The following NRG3 variants were observed in gnomAD, a reference collection of about 807,000 sequenced individuals.
NRG3 encodes the protein neuregulin 3.
Under a neutral mutation model 66.9 loss-of-function variants are expected in NRG3, and 31 were observed. The observed-to-expected ratio is 0.46, with a 90% CI of 0.35 to 0.63. The LOEUF (loss-of-function observed/expected upper bound fraction) is 0.63, where lower values mean the gene tolerates loss of function less well. Among genes scored for constraint, NRG3 ranks in the 20% least tolerant of loss-of-function variants. The pLI is 0.00. For missense variants in NRG3, 910 were observed against 878.9 expected (o/e 1.04, Z -0.45); for synonymous variants, 393 against 359.4 (o/e 1.09, Z -1.06).
At chr10:82,941,652 C>G (rs1185600660) in intron 4 of NRG3, among the ~76,000 whole-genome samples, 2 of 152,162 alleles carry the variant, frequency 1.3e-5, no homozygotes, top group Non-Finnish European at 2.9e-5. Context: ...CTGACCTACA[C>G]AGATGATGAG....
At chr10:82,056,610 T>TA (rs1420016279) in intron 1 of NRG3, among the ~76,000 whole-genome samples, 3 of 152,318 alleles carry the variant, frequency 2.0e-5, no homozygotes, top group Non-Finnish European at 4.4e-5. Context: ...ACTACAGTCT[T>TA]ACAGCTATGA....
Position 82,464,746 on chromosome 10 carries a change from T to C in NRG3, c.953+105878T>C, listed in dbSNP as rs533919165. Among the ~76,000 whole-genome samples, 3 of 152,284 alleles carry C rather than the reference T, an allele frequency of 2.0e-5. No homozygotes were observed. The East Asian group carries it at 5.8e-4, about 29-fold the overall frequency. ...GGAAATCAGGCAAATAGGAGCTGCA[T>C]CAATCAATTAATTATCAGAAAAAGG... On this transcript the variant is annotated intron_variant, in intron 2 of 8. Transcript: ENST00000372141.
At chr10:82,100,309 T>C (rs1590110250) in intron 1 of NRG3, among the ~76,000 whole-genome samples, 4 of 152,086 alleles carry the variant, frequency 2.6e-5, no homozygotes, top group South Asian at 2.1e-4. Context: ...TAGACAATGG[T>C]GTCTTCTATT....
At chr10:82,517,310 G>A (rs1225083943) in intron 2 of NRG3, among the ~76,000 whole-genome samples, 7 of 152,038 alleles carry the variant, frequency 4.6e-5, no homozygotes, top group Non-Finnish European at 2.9e-5. Context: ...TAGTGAAATG[G>A]AAAAATAAGG....
intron 2 of NRG3, among the ~76,000 whole-genome samples, chr10:82,568,137 T>C (rs17100223): frequency 0.013 from 2,001 of 151,968 alleles, 41 homozygotes; most frequent in African/African-American, 0.046. Flanking sequence ...CAGGCCATAG[T>C]TGGACAAATG....
At chr10:82,570,280 G>T (rs2045648956) in intron 2 of NRG3, among the ~76,000 whole-genome samples, 1 of 151,712 alleles carries the variant, frequency 6.6e-6, no homozygotes, top group Non-Finnish European at 1.5e-5. Context: ...CATGCAATGT[G>T]TTGGCATCTA....
At chr10:82,665,896 T>A (rs1273224892) in intron 2 of NRG3, among the ~76,000 whole-genome samples, 2 of 152,172 alleles carry the variant, frequency 1.3e-5, no homozygotes, top group Non-Finnish European at 2.9e-5. Context: ...ACAGTCTCAC[T>A]CTGTTGCACA....
chr10:82,681,083 T>C (rs1408064754), intron 2 of NRG3, among the ~76,000 whole-genome samples: 3 of 152,182 alleles, frequency 2.0e-5, no homozygotes, highest in Admixed American at 6.5e-5. Flanking sequence ...TATTAAAACA[T>C]AATTGGGGCA....
intron 3 of NRG3, among the ~76,000 whole-genome samples, chr10:82,831,795 CA>C (rs2062538737): frequency 6.6e-6 from 1 of 151,416 alleles, no homozygotes; most frequent in African/African-American, 2.4e-5. Context: ...GCCTGGGTGA[CA>C]AAAAAATAAA....
intron 3 of NRG3, among the ~76,000 whole-genome samples, chr10:82,806,403 T>C (rs1247327191): frequency 6.6e-6 from 1 of 152,226 alleles, no homozygotes; most frequent in Non-Finnish European, 1.5e-5. Flanking sequence ...GTTTTTGCTG[T>C]TTTTATAAAA....
At chr10:81,953,289 A>G (rs1475530268) in intron 1 of NRG3, among the ~76,000 whole-genome samples, 4 of 152,112 alleles carry the variant, frequency 2.6e-5, no homozygotes, top group African/African-American at 2.4e-5. Flanking sequence ...TGAGAAACCT[A>G]TGGAGAGGGG....
At chr10:82,960,284 T>C (rs1564668147) in intron 6 of NRG3, among the ~76,000 whole-genome samples, 1 of 152,200 alleles carries the variant, frequency 6.6e-6, no homozygotes, top group Non-Finnish European at 1.5e-5. Context: ...TGATTTCTAA[T>C]GGGTATAATC....
At chr10:82,286,610 T>C (rs916100833) in intron 1 of NRG3, among the ~76,000 whole-genome samples, 1 of 152,168 alleles carries the variant, frequency 6.6e-6, no homozygotes, top group Non-Finnish European at 1.5e-5. Context: ...TATTTTGAGA[T>C]GGAGTCTCGC....
At chr10:82,984,814 C>A (rs1393686641) in intron 8 of NRG3, 2 of 1,548,958 alleles carry the variant, frequency 1.3e-6, no homozygotes, top group East Asian at 2.4e-5. Flanking sequence ...ATCCCACCTG[C>A]CTATACAGCT....
rs758030350 is a variant in NRG3, at chr10:81,875,675, C to G, written c.335C>G (p.Pro112Arg). 1 of 1,613,928 alleles carries G rather than the reference C, an allele frequency of 6.2e-7. No homozygotes were observed. The highest frequency in any genetic ancestry group is 8.5e-7 in the Non-Finnish European group (1 of 1,179,974). Reference sequence around the variant, plus strand: ...GACTCCAAGGGGATGGGCCAGGACCCCTTCTTCCTCTCCAAGCCCAGCTCT... The same window carrying G: ...GACTCCAAGGGGATGGGCCAGGACCGCTTCTTCCTCTCCAAGCCCAGCTCT... The part of the protein sequence containing the change: ...LVDSKGMGQD[P>R]FFLSKPSSFP... The change falls in exon 1 of 9, where the codon CCC becomes CGC. Residue 112 changes from proline (P) to arginine (R), a missense_variant. Coordinates refer to ENST00000372141, the MANE Select transcript of NRG3 (RefSeq NM_001010848.4). This position sits in a 1 kb window ranked among gnomAD's most constrained non-coding sequence, Gnocchi z 5.3.
chr10:82,352,097 G>C (rs2083470261), intron 1 of NRG3, among the ~76,000 whole-genome samples: 1 of 152,128 alleles, frequency 6.6e-6, no homozygotes, highest in African/African-American at 2.4e-5. Context: ...CATAATTTAG[G>C]GTTAGTGTGA....
intron 3 of NRG3, among the ~76,000 whole-genome samples, chr10:82,752,532 A>T (rs1358078015): frequency 6.6e-6 from 1 of 152,168 alleles, no homozygotes; most frequent in Non-Finnish European, 1.5e-5. Context: ...ATTTTATTTC[A>T]GTTCATACAG....
intron 2 of NRG3, among the ~76,000 whole-genome samples, chr10:82,492,188 G>A (rs985499711): frequency 6.6e-6 from 1 of 152,072 alleles, no homozygotes; most frequent in Non-Finnish European, 1.5e-5. Context: ...ATTGCTCATG[G>A]AGCTGAGCTT....
At chr10:82,398,894 A>G (rs1034378085) in intron 2 of NRG3, among the ~76,000 whole-genome samples, 4 of 152,082 alleles carry the variant, frequency 2.6e-5, no homozygotes, top group African/African-American at 7.2e-5. Flanking sequence ...CATTCCTCCT[A>G]CTGCAAGTTT....
Sources: allele counts gnomAD v4.1 joint callset (sites outside exome capture counted in the v4.1 genomes callset), GRCh38; gene constraint gnomAD v4.1.1; non-coding constraint Gnocchi (gnomAD v3.1); transcripts MANE v1.5; gene names NCBI Gene and HGNC (gene_info 2026-07-23, HGNC 2026-07-21).